The following STAB2 variants were observed in gnomAD, a reference collection of about 807,000 sequenced individuals.
STAB2 encodes the protein stabilin-2.
A neutral mutation model predicts 338.1 loss-of-function variants in STAB2; 288 were observed. The ratio of observed to expected loss-of-function variants is 0.85; its 90% CI spans 0.77 to 0.94. The LOEUF is 0.94. Ranked by LOEUF, STAB2 falls within the 40% of genes least tolerant of loss-of-function variation. STAB2 has a pLI of 0.00. For missense variants in STAB2, 3,141 were observed against 3,210.1 expected (o/e 0.98, Z 0.52); for synonymous variants, 1,202 against 1,193.3 (o/e 1.01, Z -0.15).
At chr12:103,739,572 TGC>T (rs1882422078) in intron 54 of STAB2, 104 bp downstream of exon 54, 14 of 733,306 alleles carry the variant, frequency 1.9e-5, no homozygotes, top group South Asian at 1.1e-4. Flanking sequence ...TGTGTGTGTG[TGC>T]CCGTGCACGT....
chr12:103,734,642 A>G (rs1339513510), intron 51 of STAB2, among the ~76,000 whole-genome samples: 3 of 152,180 alleles, frequency 2.0e-5, no homozygotes, highest in Non-Finnish European at 4.4e-5. Flanking sequence ...AGAATGCCAA[A>G]TGCCCCAACT....
intron 57 of STAB2, among the ~76,000 whole-genome samples, chr12:103,745,875 A>G (rs1882990410): frequency 6.6e-6 from 1 of 152,212 alleles, no homozygotes; most frequent in South Asian, 2.1e-4. Context: ...TCATTGCCAT[A>G]GCTCGATCCT....
intron 68 of STAB2, 129 bp from the exon 69 acceptor site, chr12:103,766,157 A>G: frequency 7.8e-7 from 1 of 1,282,612 alleles, no homozygotes; most frequent in Non-Finnish European, 1.1e-6. Flanking sequence ...GCACAAACAA[A>G]CACGCCCAGC....
intron 34 of STAB2, among the ~76,000 whole-genome samples, chr12:103,699,621 A>G (rs1878693868): frequency 6.6e-6 from 1 of 152,152 alleles, no homozygotes; most frequent in Non-Finnish European, 1.5e-5. Flanking sequence ...CTCCCACAAC[A>G]CGTGGGAATT....
At chr12:103,750,764 A>C (rs769895502) in intron 60 of STAB2, 44 bp downstream of exon 60, 18 of 1,573,158 alleles carry the variant, frequency 1.1e-5, no homozygotes, top group Non-Finnish European at 1.6e-5. Context: ...CCTCCTCTTC[A>C]GGCCTGGGGA....
At chr12:103,590,875 C>T in intron 1 of STAB2, 22 bp from the exon 2 acceptor site, 1 of 1,613,074 alleles carries the variant, frequency 6.2e-7, no homozygotes, top group Non-Finnish European at 8.5e-7. Flanking sequence ...AATTAATGTT[C>T]TTTTTTTTAA....
chr12:103,682,054 C>T (rs991001574), intron 25 of STAB2, among the ~76,000 whole-genome samples: 1 of 152,076 alleles, frequency 6.6e-6, no homozygotes, highest in African/African-American at 2.4e-5. Context: ...AATAAGGGGA[C>T]GCAGTTCAAC....
At chr12:103,713,001 A>C (rs1880005871) in intron 41 of STAB2, among the ~76,000 whole-genome samples, 1 of 152,202 alleles carries the variant, frequency 6.6e-6, no homozygotes, top group Admixed American at 6.5e-5. Context: ...AGAATAATGC[A>C]GCTGTTGAAA....
At chr12:103,680,196 G>A (rs760124709) in intron 25 of STAB2, among the ~76,000 whole-genome samples, 3 of 152,176 alleles carry the variant, frequency 2.0e-5, no homozygotes, top group Non-Finnish European at 2.9e-5. Flanking sequence ...AACAAGTTTG[G>A]AGAAGGATGG....
rs1395669182 is a variant in STAB2 at position 103,750,511 on chromosome 12, T to C, written c.6439-68T>C. The C allele has an allele frequency of 2.5e-6, 4 of 1,588,830 alleles. No homozygotes were observed. In the African/African-American group the frequency reaches 4.0e-5, roughly 16 times the overall value. ...CCTCCTAGGCTGGACATTGGTCCCA[T>C]GGGCACTTGGGCATCCTGGGGTCCT... On this transcript the variant is annotated intron_variant, in intron 59 of 68. Coordinates refer to ENST00000388887, the MANE Select transcript of STAB2 (RefSeq NM_017564.10).
chr12:103,734,367 A>T (rs1304123460), intron 51 of STAB2, among the ~76,000 whole-genome samples: 2 of 150,658 alleles, frequency 1.3e-5, no homozygotes, highest in Non-Finnish European at 2.9e-5. Flanking sequence ...TCATAGGAAC[A>T]AGAGCGATCA....
chr12:103,596,952 CAAAAA>C (rs35439238), intron 3 of STAB2, among the ~76,000 whole-genome samples: 25 of 64,482 alleles, frequency 3.9e-4, no homozygotes, highest in African/African-American at 1.2e-3. Flanking sequence ...GACCCTATCT[CAAAAA>C]AAAAAAAAAA....
rs556963738 is a variant in STAB2 at position 103,731,226 on chromosome 12, A to G, written c.5224-350A>G. 6.6e-5 allele frequency among the ~76,000 whole-genome samples: 10 copies of G among 152,248 alleles called. No individual in the cohort carries two copies. The East Asian group carries it at 9.6e-4, about 15-fold the overall frequency. ...TTGGACACTAGACACTGGGCTATAG[A>G]TGTCCCCATTGTGCTTGCCAGAGGG... On this transcript the variant is annotated intron_variant, in intron 49 of 68. Transcript: ENST00000388887.
rs1426254215 is a variant in STAB2 at position 103,711,513 on chromosome 12, C to A, written c.4331C>A (p.Ala1444Asp). 2.5e-6 allele frequency: 4 copies of A among 1,613,968 alleles called. No homozygotes were observed. The highest frequency in any genetic ancestry group is 3.4e-6 in the Non-Finnish European group (4 of 1,180,010). ...DNCNGTCHTS[A>D]NCLTNSDGTA... ...TGCAATGGGACATGCCATACCAGCG[C>A]CAAGTAGGTAGCCCTGGGCCACCTC... The change falls in exon 40 of 69, where the codon GCC becomes GAC. Residue 1444 changes from alanine to aspartate, a missense_variant. Ala to Asp is a moderately radical substitution (Grantham distance 126). Transcript: ENST00000388887.
intron 3 of STAB2, among the ~76,000 whole-genome samples, chr12:103,603,983 A>C (rs1205891343): frequency 2.0e-5 from 3 of 152,148 alleles, no homozygotes; most frequent in Admixed American, 6.5e-5. Flanking sequence ...TTCTACTTCT[A>C]ACAGTTTTTT....
rs1431669068 is a variant in STAB2 at position 103,655,487 on chromosome 12, A to G, written c.1640A>G (p.Asp547Gly). The change falls in exon 15 of 69, where the codon GAT becomes GGT. Residue 547 changes from aspartate to glycine, a missense_variant. Asp to Gly is a moderately conservative substitution (Grantham distance 94). Coordinates refer to ENST00000388887, the MANE Select transcript of STAB2 (RefSeq NM_017564.10). ...AATTTGGGACATGCCTTAGATGAGGATGGAGTTGGTGGACCATACACCATT... is the reference window on the plus strand; with the variant it reads ...AATTTGGGACATGCCTTAGATGAGGGTGGAGTTGGTGGACCATACACCATT... ...ETNLGHALDEDGVGGPYTIFV... is the reference protein window; with the variant it reads ...ETNLGHALDEGGVGGPYTIFV... The G allele has an allele frequency of 3.1e-6, 5 of 1,614,096 alleles. No homozygotes were observed. In the South Asian group the frequency reaches 5.5e-5, roughly 18 times the overall value.
chr12:103,683,817 A>G (rs1877150387), intron 26 of STAB2, among the ~76,000 whole-genome samples: 1 of 152,200 alleles, frequency 6.6e-6, no homozygotes, highest in South Asian at 2.1e-4. Flanking sequence ...AGGCACAGGT[A>G]TTAGGGCTGG....
intron 3 of STAB2, among the ~76,000 whole-genome samples, chr12:103,617,127 A>G (rs1330912632): frequency 6.6e-6 from 1 of 152,230 alleles, no homozygotes; most frequent in Non-Finnish European, 1.5e-5. Context: ...GGTAAGTAAC[A>G]TCAAGTAGAT....
At chr12:103,683,878 G>A (rs1877155603) in intron 26 of STAB2, among the ~76,000 whole-genome samples, 1 of 152,278 alleles carries the variant, frequency 6.6e-6, no homozygotes, top group Non-Finnish European at 1.5e-5. Flanking sequence ...AGGAATCAAT[G>A]AAGTCTGATG....
Sources: gnomAD v4.1 joint callset for allele counts (sites outside exome capture counted in the v4.1 genomes callset) on GRCh38, gnomAD v4.1.1 for gene constraint, MANE v1.5 for transcripts, NCBI Gene and HGNC (gene_info 2026-07-23, HGNC 2026-07-21) for gene names.